The following FHIT variants were observed in gnomAD, a reference collection of about 807,000 sequenced individuals.
The protein encoded by FHIT is fragile histidine triad diadenosine triphosphatase.
Under a neutral mutation model 17.9 loss-of-function variants are expected in FHIT, and 19 were observed. The ratio of observed to expected loss-of-function variants is 1.06; its 90% confidence interval spans 0.74 to 1.56. The LOEUF is 1.56. Among genes scored for constraint, FHIT ranks in the 40% most tolerant of loss-of-function variants. The pLI, the probability that FHIT is intolerant of heterozygous loss-of-function variation, is 0.00. For synonymous variants in FHIT, 81 were observed against 69.7 expected, an observed-to-expected ratio of 1.16 and a Z score of -0.81; for missense variants, 248 against 189.2, an observed-to-expected ratio of 1.31 and a Z score of -1.82.
At chr3:60,681,993 A>T (rs954574890) in intron 4 of FHIT, among the ~76,000 whole-genome samples, 1 of 151,302 alleles carries the variant, frequency 6.6e-6, no homozygotes. Context: ...TTTTTTTGAA[A>T]CATAGTCTCA....
At chr3:60,881,646 G>A (rs1267650659) in intron 3 of FHIT, among the ~76,000 whole-genome samples, 2 of 151,956 alleles carry the variant, frequency 1.3e-5, no homozygotes, top group Non-Finnish European at 2.9e-5. Flanking sequence ...GAAGCTCTAT[G>A]AATACAACAT....
chr3:60,603,535 G>T (rs1165271913), intron 4 of FHIT, among the ~76,000 whole-genome samples: 2 of 151,216 alleles, frequency 1.3e-5, no homozygotes, highest in Admixed American at 1.3e-4. Flanking sequence ...GTATTGTGTT[G>T]CTTTCTTCTG....
At chr3:60,640,029 A>C (rs189347953) in intron 4 of FHIT, among the ~76,000 whole-genome samples, 34 of 152,328 alleles carry the variant, frequency 2.2e-4, no homozygotes. Flanking sequence ...GCGAGACACA[A>C]GGGAGTTCAT....
intron 5 of FHIT, among the ~76,000 whole-genome samples, chr3:60,379,850 G>C (rs1423266375): frequency 6.6e-6 from 1 of 152,128 alleles, no homozygotes; most frequent in African/African-American, 2.4e-5. Flanking sequence ...GAATACCTAG[G>C]TTGAAGAAAA....
At chr3:61,079,833 C>T (rs1397901513) in intron 2 of FHIT, among the ~76,000 whole-genome samples, 2 of 152,256 alleles carry the variant, frequency 1.3e-5, no homozygotes, top group East Asian at 1.9e-4. Flanking sequence ...ATACCATACT[C>T]ATATGAACAA....
intron 5 of FHIT, among the ~76,000 whole-genome samples, chr3:60,102,367 G>C (rs1480298125): frequency 6.6e-6 from 1 of 152,144 alleles, no homozygotes; most frequent in African/African-American, 2.4e-5. Context: ...AAGGAACAAA[G>C]ACAAAGTTCA....
At chr3:60,007,168 C>T (rs1699957380) in intron 7 of FHIT, among the ~76,000 whole-genome samples, 1 of 152,116 alleles carries the variant, frequency 6.6e-6, no homozygotes, top group South Asian at 2.1e-4. Flanking sequence ...AACCGCCTCC[C>T]ACCCAAAGAT....
chr3:60,365,160 T>C (rs1700056963), intron 5 of FHIT, among the ~76,000 whole-genome samples: 1 of 149,072 alleles, frequency 6.7e-6, no homozygotes, highest in Admixed American at 6.7e-5. Context: ...ATTATATATG[T>C]ATTTAATACT....
At chr3:60,104,847 G>C (rs1704341763) in intron 5 of FHIT, among the ~76,000 whole-genome samples, 1 of 152,046 alleles carries the variant, frequency 6.6e-6, no homozygotes, top group Non-Finnish European at 1.5e-5. Flanking sequence ...GTTACTATGG[G>C]AACAGAGGTC....
intron 3 of FHIT, among the ~76,000 whole-genome samples, chr3:60,977,696 AC>A (rs1356695918): frequency 2.0e-5 from 3 of 151,750 alleles, no homozygotes; most frequent in African/African-American, 7.3e-5. Context: ...ACATAGAGAA[AC>A]CCCATCTCTA....
intron 2 of FHIT, among the ~76,000 whole-genome samples, chr3:61,051,376 A>G (rs13314035): frequency 6.6e-6 from 1 of 151,776 alleles, no homozygotes; most frequent in South Asian, 2.1e-4. Context: ...CAGCCTCCCA[A>G]ATAGCTGGGA....
intron 4 of FHIT, among the ~76,000 whole-genome samples, chr3:60,674,432 C>T (rs1553694764): frequency 6.6e-6 from 1 of 152,110 alleles, no homozygotes; most frequent in Non-Finnish European, 1.5e-5. Context: ...ATTAATGGAG[C>T]TTCCTCTTCA....
At chr3:59,788,881 G>GTTTTTTTTTTTTTTTT (rs60361063) in intron 8 of FHIT, among the ~76,000 whole-genome samples, 18,975 of 86,488 alleles carry the variant, frequency 0.22, 5,521 homozygotes, top group South Asian at 0.41. Flanking sequence ...GAGTTCATAT[G>GTTTTTTTTTTTTTTTT]TTTTTTTTTT....
chr3:59,805,873 T>C (rs1022896507), intron 8 of FHIT, among the ~76,000 whole-genome samples: 2 of 152,088 alleles, frequency 1.3e-5, no homozygotes, highest in Non-Finnish European at 2.9e-5. Context: ...CCCTCTCCTC[T>C]TTGGTGACTT....
At chr3:61,188,003 A>G (rs2038576987) in intron 2 of FHIT, among the ~76,000 whole-genome samples, 1 of 152,226 alleles carries the variant, frequency 6.6e-6, no homozygotes, top group Non-Finnish European at 1.5e-5. Flanking sequence ...TTGACACCCT[A>G]ACATCACAAA....
chr3:60,146,529 T>C (rs529335477), intron 5 of FHIT, among the ~76,000 whole-genome samples: 7 of 152,136 alleles, frequency 4.6e-5, no homozygotes, highest in Non-Finnish European at 1.0e-4. Flanking sequence ...GGGCTCTAAA[T>C]AGGTTGGCTT....
chr3:60,145,907 G>A (rs1178591062), intron 5 of FHIT, among the ~76,000 whole-genome samples: 1 of 152,102 alleles, frequency 6.6e-6, no homozygotes, highest in Non-Finnish European at 1.5e-5. Context: ...TGAATAATCT[G>A]TCAGGTTGTT....
At chr3:61,125,094 A>G (rs1462812200) in intron 2 of FHIT, among the ~76,000 whole-genome samples, 2 of 152,198 alleles carry the variant, frequency 1.3e-5, no homozygotes, top group East Asian at 1.9e-4. Context: ...AGTACAAAAG[A>G]AAGGTTTTTC....
rs529112133 is a variant in FHIT at position 59,822,807 on chromosome 3, A to G, written c.349-70486T>C. ...TGTGTAGAAGCTCTTTAGTTTAATT[A>G]AGTCCCACCTATTTATCTTTGTTTT... is the stretch of plus-strand genomic sequence containing the variant. On this transcript the variant is annotated intron_variant, in intron 8 of 9. Coordinates refer to ENST00000492590, the MANE Select transcript of FHIT (RefSeq NM_002012.4). 2.0e-5 allele frequency among the ~76,000 whole-genome samples: 3 copies of G among 152,266 alleles called. No individual in the cohort carries two copies. In the East Asian group the frequency reaches 5.8e-4, roughly 29 times the overall value.
Sources: allele counts gnomAD v4.1 joint callset (sites outside exome capture counted in the v4.1 genomes callset), GRCh38; gene constraint gnomAD v4.1.1; transcripts MANE v1.5; gene names NCBI Gene and HGNC (gene_info 2026-07-23, HGNC 2026-07-21).